TUSC3: variants seen among roughly 807,000 people sequenced by gnomAD.
The protein encoded by TUSC3 is tumor suppressor candidate 3, also known as dolichyl-diphosphooligosaccharide--protein glycosyltransferase subunit TUSC3.
TUSC3 carries 45 observed loss-of-function variants against 44.8 expected under a neutral mutation model. The observed-to-expected ratio is 1.00, with a 90% CI of 0.79 to 1.29. The LOEUF is 1.29. Among genes scored for constraint, TUSC3 ranks in the 50% most tolerant of loss-of-function variants. The pLI is 0.00. For missense variants in TUSC3, 519 were observed against 437.9 expected, an observed-to-expected ratio of 1.19 and a Z score of -1.65; for synonymous variants, 212 against 152.9, an observed-to-expected ratio of 1.39 and a Z score of -2.85.
chr8:15,822,520 T>C, the TUSC3 span, among the ~76,000 whole-genome samples: 6 of 152,158 alleles, frequency 3.9e-5, no homozygotes, highest in Admixed American at 3.9e-4. Context: ...TTTGTATTTC[T>C]TGCAAGTTTC....
intron 6 of TUSC3, among the ~76,000 whole-genome samples, chr8:15,698,943 C>T (rs1307620543): frequency 6.6e-6 from 1 of 151,520 alleles, no homozygotes; most frequent in African/African-American, 2.4e-5. Flanking sequence ...AAATCCTAGG[C>T]TCAAGCCATC....
In TUSC3 at chr8:15,583,658, G is replaced by C. The variant is rs189993154; in HGVS notation, c.139-39422G>C. On this transcript the variant is annotated intron_variant, in intron 1 of 10. Transcript: ENST00000503731. ...GGCTGCTTAGTGGGATAGCAGGATA[G>C]CAAGCTAATTTGTACTGGAAGTGTT... Among the ~76,000 whole-genome samples the C allele has an allele frequency of 9.8e-5, 15 of 152,314 alleles. No individual in the cohort carries two copies. The East Asian group carries it at 2.9e-3, about 29-fold the overall frequency.
At chr8:15,483,524 G>C (rs1800691593) in intron 2 of TUSC3, 1 of 156,126 alleles carries the variant, frequency 6.4e-6, no homozygotes, top group African/African-American at 2.4e-5. Context: ...ATTTTCAGTA[G>C]AGACGGTGTT....
At chr8:15,695,048 A>G (rs2129192310) in intron 6 of TUSC3, among the ~76,000 whole-genome samples, 1 of 152,304 alleles carries the variant, frequency 6.6e-6, no homozygotes, top group South Asian at 2.1e-4. Context: ...TGTGCCCTCC[A>G]TTCACACTGA....
chr8:15,562,301 T>C (rs1802506426), intron 1 of TUSC3, among the ~76,000 whole-genome samples: 1 of 152,176 alleles, frequency 6.6e-6, no homozygotes, highest in South Asian at 2.1e-4. Flanking sequence ...AAAAATCTTA[T>C]TTCTTAGTGT....
At position 15,461,179 on chromosome 8, in the gene TUSC3, T is replaced by G. The variant is rs377370274; in HGVS notation, n.92-22207T>G. On this transcript the variant is annotated intron_variant and non_coding_transcript_variant, in intron 1 of 5. Coordinates refer to the TUSC3 transcript ENST00000503191. ...CCGTGAGCATGGGATGTGTTTCCCTTTGTGTTGTCTGTGATTTCTTTCAGC... is the reference window on the plus strand; with the variant it reads ...CCGTGAGCATGGGATGTGTTTCCCTGTGTGTTGTCTGTGATTTCTTTCAGC... 3.9e-5 allele frequency among the ~76,000 whole-genome samples: 6 copies of G among 152,162 alleles called. No individual in the cohort carries two copies. The East Asian group carries it at 1.2e-3, about 29-fold the overall frequency.
chr8:15,469,338 T>C (rs1800454456), intron 1 of TUSC3, among the ~76,000 whole-genome samples: 1 of 152,086 alleles, frequency 6.6e-6, no homozygotes, highest in Non-Finnish European at 1.5e-5. Context: ...CCATTAAAAA[T>C]GGGCCGAAGA....
the TUSC3 span, among the ~76,000 whole-genome samples, chr8:15,788,634 C>A: frequency 8.6e-5 from 13 of 152,008 alleles, no homozygotes; most frequent in Non-Finnish European, 1.6e-4. Context: ...ACTGCCTACC[C>A]CGGGGCTGAT....
intron 1 of TUSC3, among the ~76,000 whole-genome samples, chr8:15,434,806 A>G (rs190106394): frequency 2.4e-4 from 37 of 152,010 alleles, no homozygotes; most frequent in Non-Finnish European, 3.8e-4. Flanking sequence ...TGTGCTTGCA[A>G]TAGTTTGCTG....
chr8:15,850,414 A>G, the TUSC3 span, among the ~76,000 whole-genome samples: 2,720 of 152,272 alleles, frequency 0.018, 69 homozygotes, highest in African/African-American at 0.061. Context: ...TATACAATAA[A>G]TTTGACTTGC....
intron 1 of TUSC3, among the ~76,000 whole-genome samples, chr8:15,567,770 C>T (rs931360710): frequency 1.3e-5 from 2 of 152,112 alleles, no homozygotes; most frequent in African/African-American, 4.8e-5. Context: ...TGCCTCTCTA[C>T]AAAATTTTGT....
chr8:15,770,459 T>C (rs545162729), downstream of TUSC3, among the ~76,000 whole-genome samples: 14 of 152,170 alleles, frequency 9.2e-5, no homozygotes, highest in South Asian at 2.9e-3. Context: ...CCAATGTAGA[T>C]GATGGGTTGA....
intron 6 of TUSC3, among the ~76,000 whole-genome samples, chr8:15,693,017 C>A (rs1350700226): frequency 6.6e-6 from 1 of 152,174 alleles, no homozygotes; most frequent in East Asian, 1.9e-4. Context: ...GTAGATTTTC[C>A]TCCATCTCTT....
chr8:15,463,831 C>T (rs921414906), intron 1 of TUSC3, among the ~76,000 whole-genome samples: 3 of 152,176 alleles, frequency 2.0e-5, no homozygotes, highest in African/African-American at 7.2e-5. Flanking sequence ...TTTCTGAGTA[C>T]CCCAGAATAT....
chr8:15,843,916 G>A, the TUSC3 span, among the ~76,000 whole-genome samples: 41 of 152,096 alleles, frequency 2.7e-4, no homozygotes, highest in Non-Finnish European at 5.0e-4. Context: ...ACCTTAAGCT[G>A]TATTTGTAGC....
chr8:15,816,749 G>C, the TUSC3 span, among the ~76,000 whole-genome samples: 1 of 152,086 alleles, frequency 6.6e-6, no homozygotes, highest in Non-Finnish European at 1.5e-5. Flanking sequence ...AGCCCTCACA[G>C]AGAAACGGCA....
chr8:15,632,598 C>T (rs1240989512), intron 2 of TUSC3, among the ~76,000 whole-genome samples: 1 of 152,024 alleles, frequency 6.6e-6, no homozygotes, highest in Non-Finnish European at 1.5e-5. Flanking sequence ...ATTTTTTACC[C>T]AGCACTTGTA....
At chr8:15,547,233 T>C (rs73665436) in intron 1 of TUSC3, among the ~76,000 whole-genome samples, 1 of 151,784 alleles carries the variant, frequency 6.6e-6, no homozygotes, top group African/African-American at 2.4e-5. Context: ...GCACTGATTT[T>C]ATTTAATGGA....
At chr8:15,674,731 C>G (rs1026354274) in intron 6 of TUSC3, among the ~76,000 whole-genome samples, 5 of 151,918 alleles carry the variant, frequency 3.3e-5, no homozygotes, top group East Asian at 1.9e-4. Flanking sequence ...AAGCTAGCCT[C>G]TTTGAATAAT....
Sources: allele counts gnomAD v4.1 joint callset (sites outside exome capture counted in the v4.1 genomes callset), GRCh38; gene constraint gnomAD v4.1.1; transcripts MANE v1.5; gene names NCBI Gene and HGNC (gene_info 2026-07-23, HGNC 2026-07-21).